The following LPAR1 variants were observed in gnomAD, a reference collection of about 807,000 sequenced individuals.
The protein encoded by LPAR1 is LPA receptor 1.
Under a neutral mutation model 23.8 loss-of-function variants are expected in LPAR1, and 5 were observed. The observed-to-expected ratio is 0.21, with a 90% CI of 0.11 to 0.44. The LOEUF (loss-of-function observed/expected upper bound fraction) is 0.44. LPAR1 is among the 20% of genes least tolerant of loss of function. The pLI is 0.99. For missense variants in LPAR1, 311 were observed against 482.8 expected (o/e 0.64, Z 3.33); for synonymous variants, 160 against 164.7 (o/e 0.97, Z 0.22).
Position 111,000,794 on chromosome 9 carries a change from A to G in LPAR1, c.-181-27236T>C, listed in dbSNP as rs190765830. ...ACAATGCTGGAATACTGTCCACAAA[A>G]ATTACGAAGTGGAAGGAAGCTTTGC... On this transcript the variant is annotated intron_variant, in intron 2 of 5. Transcript: ENST00000683809. Among the ~76,000 whole-genome samples, 5 of 152,302 alleles carry G rather than the reference A, an allele frequency of 3.3e-5. 1 individual carries two copies. Among genetic ancestry groups the G allele is most frequent in the Admixed American group, 2.6e-4 (4 of 15,298 alleles).
chr9:110,935,294 A>T (rs1242569217), intron 5 of LPAR1, among the ~76,000 whole-genome samples: 2 of 152,138 alleles, frequency 1.3e-5, no homozygotes, highest in Non-Finnish European at 2.9e-5. Context: ...TAAGACCTGA[A>T]GTTCTCAATT....
chr9:110,973,902 A>G (rs1359002671), intron 2 of LPAR1, among the ~76,000 whole-genome samples: 2 of 152,226 alleles, frequency 1.3e-5, no homozygotes, highest in Admixed American at 1.3e-4. Flanking sequence ...TGGGCACAGC[A>G]GCTCAGGCCT....
At chr9:110,955,178 T>C (rs2095696319) in intron 4 of LPAR1, among the ~76,000 whole-genome samples, 1 of 152,200 alleles carries the variant, frequency 6.6e-6, no homozygotes, top group African/African-American at 2.4e-5. Flanking sequence ...AACTATACTG[T>C]TACCCACAAG....
At chr9:110,914,789 A>G (rs72748146) in intron 5 of LPAR1, among the ~76,000 whole-genome samples, 25,018 of 132,012 alleles carry the variant, frequency 0.19, 2,626 homozygotes, top group Admixed American at 0.26. Flanking sequence ...CAAGGGGGGA[A>G]AAAAAGCTTA....
At chr9:110,898,525 G>A (rs564282800) in intron 5 of LPAR1, among the ~76,000 whole-genome samples, 1 of 152,298 alleles carries the variant, frequency 6.6e-6, no homozygotes, top group African/African-American at 2.4e-5. Flanking sequence ...TATTTAGAGT[G>A]GGAGAACCGG....
At chr9:110,882,044 C>T (rs539009168) in intron 5 of LPAR1, among the ~76,000 whole-genome samples, 1 of 152,310 alleles carries the variant, frequency 6.6e-6, no homozygotes, top group East Asian at 1.9e-4. Flanking sequence ...TGTCTATTTA[C>T]TTATTAAATG....
At chr9:111,030,370 G>T (rs1445107359) in intron 2 of LPAR1, among the ~76,000 whole-genome samples, 1 of 152,188 alleles carries the variant, frequency 6.6e-6, no homozygotes, top group Non-Finnish European at 1.5e-5. Context: ...CTTAACAAAA[G>T]GCAATTCTGT....
chr9:110,924,602 CAGG>C (rs996162496), intron 5 of LPAR1, among the ~76,000 whole-genome samples: 8 of 151,010 alleles, frequency 5.3e-5, no homozygotes, highest in Non-Finnish European at 1.2e-4. Flanking sequence ...GAGGCTGAGG[CAGG>C]AGGATCACTA....
intron 4 of LPAR1, among the ~76,000 whole-genome samples, chr9:110,969,065 T>A (rs185812888): frequency 2.2e-4 from 34 of 152,210 alleles, no homozygotes; most frequent in Admixed American, 1.7e-3. Context: ...TCATTAGTGA[T>A]CCTTAAGGAG....
rs747753442 is a variant in LPAR1 at position 110,941,599 on chromosome 9, A to G, written c.615T>C (p.Ser205=). The part of the protein sequence containing the change: ...CSNMAPLYSD[S]YLVFWAIFNL... ...TGAAAATGGCCCAGAAGACTAAGTA[A>G]GAGTCACTGTAGAGGGGTGCCATGT... The change falls in exon 5 of 6, where the codon TCT becomes TCC. Residue 205 remains serine (S), a synonymous_variant. Coordinates refer to ENST00000683809, the MANE Select transcript of LPAR1 (RefSeq NM_001351411.2). This position sits in a 1 kb window ranked among gnomAD's most constrained non-coding sequence, Gnocchi z 6.1. 4.3e-6 allele frequency: 7 copies of G among 1,614,046 alleles called. No homozygotes were observed. The South Asian group carries it at 6.6e-5, about 15-fold the overall frequency.
At chr9:110,978,056 G>C (rs1163017325) in intron 2 of LPAR1, among the ~76,000 whole-genome samples, 1 of 152,168 alleles carries the variant, frequency 6.6e-6, no homozygotes, top group African/African-American at 2.4e-5. Context: ...TCTAGAATCA[G>C]AGCAAATATT....
At chr9:111,034,971 G>A (rs889273217) in intron 2 of LPAR1, among the ~76,000 whole-genome samples, 4 of 152,024 alleles carry the variant, frequency 2.6e-5, no homozygotes, top group Admixed American at 1.3e-4. Flanking sequence ...GAATCAAAAC[G>A]TAATTCTCCA....
At chr9:110,878,740 A>G (rs1168831228) in intron 5 of LPAR1, among the ~76,000 whole-genome samples, 2 of 152,174 alleles carry the variant, frequency 1.3e-5, no homozygotes, top group Admixed American at 6.5e-5. Flanking sequence ...CCTGACCACC[A>G]TGACTTACGT....
upstream of LPAR1, among the ~76,000 whole-genome samples, chr9:111,038,951 C>T (rs12344515): frequency 0.21 from 32,221 of 152,168 alleles, 4,067 homozygotes; most frequent in East Asian, 0.54. This position sits in a 1 kb window ranked among gnomAD's most constrained non-coding sequence, Gnocchi z 4.4. Flanking sequence ...TCTTCCCACT[C>T]GAAAAGCTCT....
At position 110,943,158 on chromosome 9, in the gene LPAR1, T is replaced by C. The variant is rs892889387; in HGVS notation, c.46-990A>G. On this transcript the variant is annotated intron_variant, in intron 4 of 5. Transcript: ENST00000683809. The stretch of plus-strand genomic sequence containing the variant: ...ATATAATAATATATTTAAACAAAAT[T>C]AGAAAATAAGTAACAAACTAGAAAT... 3.4e-5 allele frequency among the ~76,000 whole-genome samples: 5 copies of C among 148,612 alleles called. No individual in the cohort carries two copies. The South Asian group carries it at 1.0e-3, about 31-fold the overall frequency.
chr9:110,882,348 T>C (rs1290461017), intron 5 of LPAR1, among the ~76,000 whole-genome samples: 2 of 152,216 alleles, frequency 1.3e-5, no homozygotes, highest in Non-Finnish European at 2.9e-5. Flanking sequence ...TTGGATGAAT[T>C]AGCAAGTCAT....
chr9:110,926,750 CT>C (rs1160251058), intron 5 of LPAR1, among the ~76,000 whole-genome samples: 3 of 152,108 alleles, frequency 2.0e-5, no homozygotes, highest in African/African-American at 7.2e-5. Flanking sequence ...ATCCTCTCCC[CT>C]GTAAAGCAAG....
chr9:110,943,931 T>C (rs1323131100), intron 4 of LPAR1, among the ~76,000 whole-genome samples: 1 of 151,914 alleles, frequency 6.6e-6, no homozygotes, highest in African/African-American at 2.4e-5. Context: ...TTTAAGGGCT[T>C]ATGAGTGCAC....
At chr9:111,026,548 A>T (rs1352198970) in intron 2 of LPAR1, among the ~76,000 whole-genome samples, 2 of 152,210 alleles carry the variant, frequency 1.3e-5, no homozygotes, top group Non-Finnish European at 1.5e-5. Context: ...CCCTGGCCAG[A>T]ACTTTCAATA....
Sources: allele counts gnomAD v4.1 joint callset (sites outside exome capture counted in the v4.1 genomes callset), GRCh38; gene constraint gnomAD v4.1.1; non-coding constraint Gnocchi (gnomAD v3.1); transcripts MANE v1.5; gene names NCBI Gene and HGNC (gene_info 2026-07-23, HGNC 2026-07-21).